Variants in LUZP2 observed in about 807,000 individuals in gnomAD.
LUZP2 encodes the protein leucine zipper protein 2.
Under a neutral mutation model 51.6 loss-of-function variants are expected in LUZP2, and 52 were observed. That is an observed-to-expected ratio of 1.01 (90% CI 0.81 to 1.27). LUZP2 has a LOEUF of 1.27. Among genes scored for constraint, LUZP2 ranks in the 50% most tolerant of loss-of-function variants. LUZP2 has a pLI of 0.00. For synonymous variants in LUZP2, 154 were observed against 137.3 expected, an observed-to-expected ratio of 1.12 and a Z score of -0.85; for missense variants, 436 against 395.4, an observed-to-expected ratio of 1.10 and a Z score of -0.87.
At chr11:24,692,188 TAC>T (rs1256196391) in intron 1 of LUZP2, among the ~76,000 whole-genome samples, 4 of 151,984 alleles carry the variant, frequency 2.6e-5, no homozygotes, top group Admixed American at 1.3e-4. Flanking sequence ...TCTAATATTT[TAC>T]AGAGATCAAA....
chr11:24,619,094 T>G (rs369966442), intron 1 of LUZP2, among the ~76,000 whole-genome samples: 2 of 152,094 alleles, frequency 1.3e-5, no homozygotes, highest in African/African-American at 4.8e-5. Context: ...AATGGCATGA[T>G]CGTAGCTCAC....
intron 1 of LUZP2, among the ~76,000 whole-genome samples, chr11:24,532,210 C>G (rs1379422954): frequency 6.6e-6 from 1 of 150,704 alleles, no homozygotes; most frequent in African/African-American, 2.4e-5. Flanking sequence ...TACTATGATT[C>G]TATTCATTAA....
At chr11:24,926,336 TATAC>T in intron 7 of LUZP2, among the ~76,000 whole-genome samples, 1 of 118,552 alleles carries the variant, frequency 8.4e-6, no homozygotes, top group African/African-American at 4.0e-5. Context: ...TGTATATATA[TATAC>T]GTGTGTATAT....
At chr11:24,963,933 T>G (rs1220576461) in intron 7 of LUZP2, among the ~76,000 whole-genome samples, 2 of 152,170 alleles carry the variant, frequency 1.3e-5, no homozygotes, top group African/African-American at 4.8e-5. Flanking sequence ...GTTGATGTCT[T>G]AAATTGACTA....
At chr11:24,732,235 C>A in intron 3 of LUZP2, 47 bp downstream of exon 3, 2 of 1,400,154 alleles carry the variant, frequency 1.4e-6, no homozygotes, top group Non-Finnish European at 2.0e-6. Flanking sequence ...TAGTGTCAAG[C>A]AACATTCAGA....
At chr11:24,813,644 A>T (rs1850086762) in intron 5 of LUZP2, among the ~76,000 whole-genome samples, 1 of 152,204 alleles carries the variant, frequency 6.6e-6, no homozygotes, top group Admixed American at 6.5e-5. Context: ...TGATCCAAAC[A>T]TCTCCCACCA....
At chr11:24,765,093 C>T (rs988830125) in intron 5 of LUZP2, among the ~76,000 whole-genome samples, 6 of 152,012 alleles carry the variant, frequency 3.9e-5, no homozygotes, top group African/African-American at 7.2e-5. Flanking sequence ...CAAAACCTAA[C>T]GGTGAACATA....
chr11:24,693,306 A>G (rs1458339205), intron 1 of LUZP2, among the ~76,000 whole-genome samples: 2 of 151,464 alleles, frequency 1.3e-5, no homozygotes, highest in African/African-American at 2.4e-5. Context: ...GTGAAATTTA[A>G]CATAATACAT....
intron 5 of LUZP2, among the ~76,000 whole-genome samples, chr11:24,771,573 T>C (rs1445588150): frequency 6.6e-6 from 1 of 151,518 alleles, no homozygotes; most frequent in African/African-American, 2.4e-5. Flanking sequence ...TATTCAAGTC[T>C]GTTCTTACTA....
intron 7 of LUZP2, among the ~76,000 whole-genome samples, chr11:24,955,647 G>A (rs1307248636): frequency 2.0e-5 from 3 of 151,922 alleles, no homozygotes; most frequent in Non-Finnish European, 4.4e-5. Context: ...CCTCTCGTTG[G>A]CTTGTTCAGG....
chr11:24,809,157 T>C (rs1242467661), intron 5 of LUZP2, among the ~76,000 whole-genome samples: 1 of 152,188 alleles, frequency 6.6e-6, no homozygotes, highest in African/African-American at 2.4e-5. Context: ...GTGAGCTGTA[T>C]AATTGATTAA....
intron 8 of LUZP2, among the ~76,000 whole-genome samples, chr11:24,978,887 A>T (rs1220836942): frequency 6.6e-6 from 1 of 151,638 alleles, no homozygotes; most frequent in East Asian, 1.9e-4. Flanking sequence ...ATTCTTACCC[A>T]TTCAATGCTC....
intron 1 of LUZP2, among the ~76,000 whole-genome samples, chr11:24,622,048 C>T (rs1854513803): frequency 6.6e-6 from 1 of 151,952 alleles, no homozygotes; most frequent in African/African-American, 2.4e-5. Flanking sequence ...TCAAGCTATC[C>T]TTCCACCTCA....
At chr11:24,674,996 C>A (rs1590331679) in intron 1 of LUZP2, among the ~76,000 whole-genome samples, 1 of 152,188 alleles carries the variant, frequency 6.6e-6, no homozygotes, top group South Asian at 2.1e-4. Flanking sequence ...GCACATATAT[C>A]GTGGCCTGAC....
At chr11:24,954,143 A>G (rs1009105820) in intron 7 of LUZP2, among the ~76,000 whole-genome samples, 1 of 152,026 alleles carries the variant, frequency 6.6e-6, no homozygotes, top group Non-Finnish European at 1.5e-5. Flanking sequence ...AAGACTCCAC[A>G]TAGCACAATA....
intron 9 of LUZP2, among the ~76,000 whole-genome samples, chr11:24,990,151 C>A (rs1428153576): frequency 2.0e-5 from 3 of 151,904 alleles, no homozygotes; most frequent in Non-Finnish European, 1.5e-5. Flanking sequence ...CTCCCCTAAA[C>A]CTAAATGAAT....
chr11:24,858,331 A>G (rs1851631943), intron 5 of LUZP2, among the ~76,000 whole-genome samples: 1 of 152,114 alleles, frequency 6.6e-6, no homozygotes, highest in Non-Finnish European at 1.5e-5. Flanking sequence ...TTCCTGATAA[A>G]CTATAGCCAC....
chr11:24,622,440 A>G (rs1854530425), intron 1 of LUZP2, among the ~76,000 whole-genome samples: 1 of 152,070 alleles, frequency 6.6e-6, no homozygotes, highest in Non-Finnish European at 1.5e-5. Context: ...TCAGAGCTCA[A>G]GCAGCCTGCT....
At chr11:25,070,716 C>A (rs1859130097) in intron 10 of LUZP2, among the ~76,000 whole-genome samples, 1 of 150,516 alleles carries the variant, frequency 6.6e-6, no homozygotes, top group Admixed American at 6.6e-5. Flanking sequence ...GTTTCAGATA[C>A]ATGATAAGTT....
Sources: allele counts gnomAD v4.1 joint callset (sites outside exome capture counted in the v4.1 genomes callset), GRCh38; gene constraint gnomAD v4.1.1; transcripts MANE v1.5; gene names NCBI Gene and HGNC (gene_info 2026-07-23, HGNC 2026-07-21).